EPB41L5: variants seen among roughly 807,000 people sequenced by gnomAD.
EPB41L5 encodes band 4.1-like protein 5.
In EPB41L5, 55 loss-of-function variants were observed where a neutral mutation model predicts 106.6. That is an observed-to-expected ratio of 0.52 (90% CI 0.42 to 0.65). The LOEUF (loss-of-function observed/expected upper bound fraction) is 0.65, where lower values mean the gene tolerates loss of function less well. Among genes scored for constraint, EPB41L5 ranks in the 30% least tolerant of loss-of-function variants. The pLI is 0.00. For synonymous variants in EPB41L5, 297 were observed against 306.7 expected (o/e 0.97, Z 0.33); for missense variants, 871 against 882.1 (o/e 0.99, Z 0.16).
intron 18 of EPB41L5, among the ~76,000 whole-genome samples, chr2:120,141,582 G>A (rs566088648): frequency 2.6e-5 from 4 of 152,196 alleles, no homozygotes; most frequent in Admixed American, 2.6e-4. Flanking sequence ...AATTCAAAGG[G>A]TTCAAAAGGG....
intron 12 of EPB41L5, among the ~76,000 whole-genome samples, chr2:120,091,133 T>G (rs1303642656): frequency 6.6e-6 from 1 of 152,126 alleles, no homozygotes; most frequent in East Asian, 1.9e-4. Flanking sequence ...TAAATGGAAA[T>G]CAAGGAGAAT....
chr2:120,111,316 A>G (rs1684720036), intron 16 of EPB41L5, among the ~76,000 whole-genome samples: 1 of 152,222 alleles, frequency 6.6e-6, no homozygotes, highest in Non-Finnish European at 1.5e-5. Context: ...AATTGGACAA[A>G]TATATCTCCT....
At chr2:120,070,222 A>G (rs1426891274) in intron 3 of EPB41L5, among the ~76,000 whole-genome samples, 1 of 152,220 alleles carries the variant, frequency 6.6e-6, no homozygotes, top group African/African-American at 2.4e-5. Flanking sequence ...AATAAACTAG[A>G]AAATTTAGAA....
chr2:120,057,447 C>A (rs1179598194), intron 3 of EPB41L5, among the ~76,000 whole-genome samples: 9 of 152,202 alleles, frequency 5.9e-5, no homozygotes, highest in Admixed American at 5.9e-4. Context: ...AATGCACATA[C>A]ACATAACGTT....
At chr2:120,022,444 T>A (rs1479661898) in intron 2 of EPB41L5, among the ~76,000 whole-genome samples, 1 of 152,150 alleles carries the variant, frequency 6.6e-6, no homozygotes, top group Non-Finnish European at 1.5e-5. Context: ...TTTGGTTTTC[T>A]GTTCCTGTGT....
In EPB41L5 at chr2:120,120,583, C is replaced by T. The variant is rs1685172114; in HGVS notation, c.1338-7105C>T. On this transcript the variant is annotated intron_variant, in intron 16 of 24. Transcript: ENST00000263713. ...ATTGATGTGAACATAGACATGTAAA[C>T]AGGTGCTTTTTTTAAAAAAAACCTC... Among the ~76,000 whole-genome samples, 2 of 151,436 alleles carry T rather than the reference C, an allele frequency of 1.3e-5. 1 individual carries two copies. Among genetic ancestry groups the T allele is most frequent in the Admixed American group, 1.3e-4 (2 of 15,198 alleles).
intron 3 of EPB41L5, among the ~76,000 whole-genome samples, chr2:120,043,124 T>G (rs1346683541): frequency 6.6e-6 from 1 of 151,862 alleles, no homozygotes; most frequent in East Asian, 1.9e-4. Context: ...TAGCTGTCAT[T>G]TTTTCATGAC....
chr2:120,170,766 C>CA (rs1409952526), intron 24 of EPB41L5, among the ~76,000 whole-genome samples: 1 of 152,116 alleles, frequency 6.6e-6, no homozygotes, highest in East Asian at 1.9e-4. Flanking sequence ...CTTTGGGGTT[C>CA]ATCTTGGAGT....
Position 120,100,270 on chromosome 2 carries a change from G to A in EPB41L5, c.1205G>A (p.Ser402Asn), listed in dbSNP as rs140455711. Residue 402 changes from serine (S) to asparagine (N), a missense_variant, in exon 15 of 25, where the codon AGT (serine) becomes AAT (asparagine). Ser to Asn is a conservative substitution (Grantham distance 46, BLOSUM62 1). Coordinates refer to ENST00000263713, the MANE Select transcript of EPB41L5 (RefSeq NM_020909.4). ...LSVHNNVSTQSNGSQQAWGMR... is the reference protein window; with the variant it reads ...LSVHNNVSTQNNGSQQAWGMR... Reference sequence around the variant, plus strand: ...GTTCACAATAATGTTTCGACCCAAAGTAATGGCTCCCAACAGGTAAGACAA... The same window carrying A: ...GTTCACAATAATGTTTCGACCCAAAATAATGGCTCCCAACAGGTAAGACAA... The A allele has an allele frequency of 4.6e-5, 74 of 1,613,268 alleles. No homozygotes were observed. The Middle Eastern group carries it at 6.6e-4, about 14-fold the overall frequency.
chr2:120,169,064 A>ATG (rs1687547744), intron 24 of EPB41L5, among the ~76,000 whole-genome samples: 1 of 152,240 alleles, frequency 6.6e-6, no homozygotes, highest in Non-Finnish European at 1.5e-5. Flanking sequence ...AAAATTACAG[A>ATG]TGAAAGCAGA....
chr2:120,152,417 T>C (rs533914918), intron 20 of EPB41L5, among the ~76,000 whole-genome samples: 28 of 152,046 alleles, frequency 1.8e-4, no homozygotes, highest in Non-Finnish European at 4.0e-4. Context: ...TTGATAACAT[T>C]TTTTTTAGGA....
At chr2:120,017,045 A>T (rs75837337) in intron 1 of EPB41L5, among the ~76,000 whole-genome samples, 7,015 of 152,348 alleles carry the variant, frequency 0.046, 233 homozygotes, top group Non-Finnish European at 0.072. Context: ...AGACATTTTA[A>T]TATGGTACTA....
intron 2 of EPB41L5, among the ~76,000 whole-genome samples, chr2:120,023,863 A>G (rs543517988): frequency 9.7e-4 from 147 of 152,110 alleles, no homozygotes; most frequent in African/African-American, 3.4e-3. Context: ...TTGTTGAGCA[A>G]TGGTTTGTAG....
intron 10 of EPB41L5, among the ~76,000 whole-genome samples, chr2:120,083,923 C>G (rs1437941274): frequency 2.0e-5 from 3 of 152,096 alleles, no homozygotes; most frequent in African/African-American, 7.2e-5. Context: ...GGATTGCAAC[C>G]TCTGCCTTTT....
At chr2:120,110,474 T>G (rs1447781858) in intron 16 of EPB41L5, among the ~76,000 whole-genome samples, 7 of 152,172 alleles carry the variant, frequency 4.6e-5, no homozygotes. Flanking sequence ...CTTTTAAATT[T>G]CCACACTTAC....
rs199677541 is a variant in EPB41L5 at position 120,142,119 on chromosome 2, A to T, written c.1600-884A>T. On this transcript the variant is annotated intron_variant, in intron 18 of 24. Coordinates refer to ENST00000263713, the MANE Select transcript of EPB41L5 (RefSeq NM_020909.4). ...GTCTCTGTGCTTTCTTTTTTAAAAA[A>T]AAAAAAAAAAAAAAACAAGGTAAAA... Among the ~76,000 whole-genome samples, 14 of 142,402 alleles carry T rather than the reference A, an allele frequency of 9.8e-5. No homozygotes were observed. In the South Asian group the frequency reaches 2.4e-3, roughly 24 times the overall value. The allele number at this position is 142,402 out of a possible 152,430, so 93.4% of individuals were successfully genotyped here. A position where few individuals can be genotyped will look rare whatever the true frequency, so the allele number is the denominator to read the frequency against.
Position 120,061,031 on chromosome 2 carries a change from G to GTTTTTTTTTTTTTTTTTTT in EPB41L5, c.286-12138_286-12120dup, listed in dbSNP as rs375754153. On this transcript the variant is annotated intron_variant, in intron 3 of 24. Coordinates refer to ENST00000263713, the MANE Select transcript of EPB41L5 (RefSeq NM_020909.4). ...TTAGAATTTTAACTGGTTCAGGGAA[G>GTTTTTTTTTTTTTTTTTTT]TTTTTTTTTTTTTTTTTTTTTTTTT... Among the ~76,000 whole-genome samples the GTTTTTTTTTTTTTTTTTTT allele has an allele frequency of 1.7e-4, 12 of 69,128 alleles. 2 individuals carry two copies. Among genetic ancestry groups the GTTTTTTTTTTTTTTTTTTT allele is most frequent in the Non-Finnish European group, 3.1e-4 (12 of 39,326 alleles). 45.4% of individuals were successfully genotyped at this position (69,128 alleles called of 152,430 possible).
chr2:120,146,579 T>C (rs1414334235), intron 20 of EPB41L5, among the ~76,000 whole-genome samples: 1 of 152,232 alleles, frequency 6.6e-6, no homozygotes, highest in African/African-American at 2.4e-5. Flanking sequence ...GAGTGTGTAT[T>C]ATTCTCTTAC....
At chr2:120,110,807 G>A (rs1279792554) in intron 16 of EPB41L5, among the ~76,000 whole-genome samples, 3 of 151,748 alleles carry the variant, frequency 2.0e-5, no homozygotes, top group Admixed American at 1.3e-4. Flanking sequence ...GCTAATTTTT[G>A]TATTTTTTAG....
Sources: gnomAD v4.1 joint callset for allele counts (sites outside exome capture counted in the v4.1 genomes callset) on GRCh38, gnomAD v4.1.1 for gene constraint, MANE v1.5 for transcripts, NCBI Gene and HGNC (gene_info 2026-07-23, HGNC 2026-07-21) for gene names.